The following CMTM8 variants were observed in gnomAD, a reference collection of about 807,000 sequenced individuals.
The protein encoded by CMTM8 is CKLF like MARVEL transmembrane domain containing 8.
Under a neutral mutation model 18.6 loss-of-function variants are expected in CMTM8, and 12 were observed. That is an observed-to-expected ratio of 0.65 (90% CI 0.41 to 1.05). The LOEUF (loss-of-function observed/expected upper bound fraction) is 1.05. CMTM8 is among the 50% of genes least tolerant of loss of function. The pLI, the probability that CMTM8 is intolerant of heterozygous loss-of-function variation, is 0.00. For synonymous variants in CMTM8, 87 were observed against 90.6 expected (o/e 0.96, Z 0.23); for missense variants, 217 against 227.2 (o/e 0.95, Z 0.29).
At chr3:32,289,868 C>T (rs1247684537) in intron 1 of CMTM8, among the ~76,000 whole-genome samples, 1 of 152,174 alleles carries the variant, frequency 6.6e-6, no homozygotes, top group Non-Finnish European at 1.5e-5. Flanking sequence ...TGATGGTGCA[C>T]ACCTGTAATC....
At chr3:32,334,651 G>A (rs1163153572) in intron 1 of CMTM8, among the ~76,000 whole-genome samples, 2 of 150,962 alleles carry the variant, frequency 1.3e-5, no homozygotes, top group Admixed American at 6.6e-5. Flanking sequence ...TCCCCAACTC[G>A]GCACAATTTG....
chr3:32,250,389 G>A (rs1026099810), intron 1 of CMTM8, among the ~76,000 whole-genome samples: 1 of 152,162 alleles, frequency 6.6e-6, no homozygotes, highest in Non-Finnish European at 1.5e-5. Flanking sequence ...GGATCAGCTT[G>A]TCATATAGTA....
At chr3:32,350,001 T>G (rs1392689227) in intron 1 of CMTM8, among the ~76,000 whole-genome samples, 3 of 150,386 alleles carry the variant, frequency 2.0e-5, no homozygotes, top group Non-Finnish European at 3.0e-5. Flanking sequence ...GAGCAAGACT[T>G]TGTCTCAAAA....
chr3:32,248,163 G>A (rs574206222), intron 1 of CMTM8, among the ~76,000 whole-genome samples: 1 of 152,252 alleles, frequency 6.6e-6, no homozygotes, highest in Non-Finnish European at 1.5e-5. Context: ...CTGAATCAGG[G>A]TGCAGCTTAT....
chr3:32,238,963 T>C lies in CMTM8; in HGVS notation c.-10T>C, dbSNP rs1701906673. The C allele has an allele frequency of 1.3e-6, 2 of 1,545,798 alleles. No homozygotes were observed. The highest frequency in any genetic ancestry group is 1.7e-6 in the Non-Finnish European group (2 of 1,144,914). ...CCCTGGGGACGCGCCAGCCCGGCAG[T>C]GGCTCGACGATGGAGGAGCCGCAGC... On this transcript the variant is annotated 5_prime_UTR_variant, in exon 1 of 4. Transcript: ENST00000307526.
chr3:32,264,187 G>A (rs1702298698), intron 1 of CMTM8, among the ~76,000 whole-genome samples: 1 of 152,164 alleles, frequency 6.6e-6, no homozygotes, highest in South Asian at 2.1e-4. Flanking sequence ...AAAATGTTAA[G>A]GGCAGCCAGA....
At chr3:32,249,118 T>C (rs1444693963) in intron 1 of CMTM8, among the ~76,000 whole-genome samples, 2 of 129,346 alleles carry the variant, frequency 1.5e-5, no homozygotes, top group Admixed American at 2.0e-4. Flanking sequence ...CCAAAGGTAA[T>C]GTGGAATCTT....
chr3:32,338,068 C>T (rs1035679941), intron 1 of CMTM8, among the ~76,000 whole-genome samples: 35 of 151,126 alleles, frequency 2.3e-4, no homozygotes, highest in Admixed American at 1.2e-3. Context: ...ACTGCAACCT[C>T]CGCCTCCCAG....
At chr3:32,276,487 A>G (rs143856128) in intron 1 of CMTM8, among the ~76,000 whole-genome samples, 28 of 152,310 alleles carry the variant, frequency 1.8e-4, no homozygotes, top group Admixed American at 6.5e-4. Flanking sequence ...TCATGCTGGC[A>G]CTGCTTGGCT....
chr3:32,369,994 A>T lies in CMTM8; in HGVS notation c.*27A>T. Reference sequence around the variant, plus strand: ...TTACCATTTTGATAATTAAAAGGAAAAAAAAAGGAAGACTCTCACTGTAAA... The same window carrying T: ...TTACCATTTTGATAATTAAAAGGAATAAAAAAGGAAGACTCTCACTGTAAA... On this transcript the variant is annotated 3_prime_UTR_variant, in exon 4 of 4. Transcript: ENST00000307526. 3 of 1,390,970 alleles carry T rather than the reference A, an allele frequency of 2.2e-6. No homozygotes were observed. The highest frequency in any genetic ancestry group is 3.0e-6 in the Non-Finnish European group (3 of 996,858). 86.2% of individuals were successfully genotyped at this position (1,390,970 alleles called of 1,614,324 possible).
At chr3:32,313,179 C>G (rs1695852647) in intron 1 of CMTM8, among the ~76,000 whole-genome samples, 1 of 152,052 alleles carries the variant, frequency 6.6e-6, no homozygotes, top group South Asian at 2.1e-4. Context: ...CTGGTGAAAC[C>G]CCACCTTAAG....
chr3:32,309,125 C>T (rs1695770298), intron 1 of CMTM8, among the ~76,000 whole-genome samples: 1 of 151,990 alleles, frequency 6.6e-6, no homozygotes, highest in Non-Finnish European at 1.5e-5. Flanking sequence ...CCAAGTTGCT[C>T]ATCTCCAGAC....
rs1233397475 is a variant in CMTM8, at chr3:32,238,913, C to G, written c.-60C>G. ...TGTGTCCCCAGGGCGCAGGGCCGCG[C>G]GTCCAGCCCCAGACCCGCCGGGGTC... On this transcript the variant is annotated 5_prime_UTR_variant, in exon 1 of 4. Coordinates refer to ENST00000307526, the MANE Select transcript of CMTM8 (RefSeq NM_178868.5). The G allele has an allele frequency of 2.0e-6, 3 of 1,472,826 alleles. No homozygotes were observed. Among genetic ancestry groups the G allele is most frequent in the Non-Finnish European group, 1.8e-6 (2 of 1,107,848 alleles). The allele number at this position is 1,472,826 out of a possible 1,614,324, so 91.2% of individuals were successfully genotyped here.
chr3:32,267,705 A>T (rs1702369777), intron 1 of CMTM8, among the ~76,000 whole-genome samples: 1 of 152,202 alleles, frequency 6.6e-6, no homozygotes, highest in South Asian at 2.1e-4. Context: ...CTGCTCACCT[A>T]ACAAAGGGCT....
At chr3:32,280,983 C>CTT (rs1559368837) in intron 1 of CMTM8, among the ~76,000 whole-genome samples, 1 of 151,586 alleles carries the variant, frequency 6.6e-6, no homozygotes, top group African/African-American at 2.4e-5. Flanking sequence ...AAGTGGGATT[C>CTT]ACACCAGATC....
chr3:32,341,209 G>T (rs1696484777), intron 1 of CMTM8, among the ~76,000 whole-genome samples: 1 of 152,202 alleles, frequency 6.6e-6, no homozygotes, highest in East Asian at 1.9e-4. Context: ...CAGCTGCCGG[G>T]CATCTTGTTT....
intron 1 of CMTM8, among the ~76,000 whole-genome samples, chr3:32,301,225 A>G (rs1165185519): frequency 6.6e-6 from 1 of 152,136 alleles, no homozygotes; most frequent in South Asian, 2.1e-4. Flanking sequence ...TGCCCTACTT[A>G]GGTTTCTGTG....
intron 1 of CMTM8, among the ~76,000 whole-genome samples, chr3:32,319,074 A>ATATATATATGTATTTTTTTTTTTT: frequency 3.2e-5 from 1 of 31,530 alleles, no homozygotes; most frequent in Non-Finnish European, 5.1e-5. Flanking sequence ...ATATATATAT[A>ATATATATATGTATTTTTTTTTTTT]TTTTTTTTTT....
intron 1 of CMTM8, 85 bp downstream of exon 1, chr3:32,239,204 C>G: frequency 1.4e-6 from 2 of 1,442,112 alleles, no homozygotes; most frequent in South Asian, 1.3e-5. Flanking sequence ...ATGGAGCCTG[C>G]TCAGATCTTC....
Sources: allele counts gnomAD v4.1 joint callset (sites outside exome capture counted in the v4.1 genomes callset), GRCh38; gene constraint gnomAD v4.1.1; transcripts MANE v1.5; gene names NCBI Gene and HGNC (gene_info 2026-07-23, HGNC 2026-07-21).